The following RANBP2 variants were observed in gnomAD, a reference collection of about 807,000 sequenced individuals.
RANBP2 encodes E3 SUMO-protein ligase RanBP2.
RANBP2 carries 57 observed loss-of-function variants against 303.6 expected under a neutral mutation model. That is an observed-to-expected ratio of 0.19 (90% confidence interval 0.15 to 0.23). The LOEUF is 0.23. Ranked by LOEUF, RANBP2 falls within the 10% of genes least tolerant of loss-of-function variation. The pLI is 1.00. For synonymous variants in RANBP2, 1,167 were observed against 1,301.5 expected (o/e 0.90, Z 2.23); for missense variants, 3,138 against 3,780.8 (o/e 0.83, Z 4.46).
At chr2:109,050,015 G>C in the RANBP2 span, among the ~76,000 whole-genome samples, 1 of 152,152 alleles carries the variant, frequency 6.6e-6, no homozygotes, top group African/African-American at 2.4e-5. Flanking sequence ...TTACACGTTT[G>C]AGCAGTCCTA....
chr2:109,626,940 G>C, the RANBP2 span, among the ~76,000 whole-genome samples: 4 of 152,164 alleles, frequency 2.6e-5, no homozygotes, highest in Non-Finnish European at 5.9e-5. Context: ...AGTGGGCTAC[G>C]GCTGGGTGGT....
chr2:109,280,940 A>G, the RANBP2 span, among the ~76,000 whole-genome samples: 3 of 152,218 alleles, frequency 2.0e-5, no homozygotes, highest in African/African-American at 7.2e-5. Context: ...GGTACTAGGA[A>G]CTTGCATCAG....
At chr2:109,492,362 G>T in the RANBP2 span, among the ~76,000 whole-genome samples, 2 of 152,136 alleles carry the variant, frequency 1.3e-5, no homozygotes, top group African/African-American at 2.4e-5. Context: ...CTCCAGAGTG[G>T]ACAGGGCTCT....
At chr2:109,667,337 A>G in the RANBP2 span, 1 of 540,324 alleles carries the variant, frequency 1.9e-6, no homozygotes, top group Non-Finnish European at 3.4e-6. Flanking sequence ...GGAAAATAAC[A>G]CTCTTGGCAG....
chr2:109,366,586 T>C, the RANBP2 span, among the ~76,000 whole-genome samples: 1 of 152,354 alleles, frequency 6.6e-6, no homozygotes, highest in East Asian at 1.9e-4. Flanking sequence ...TGGTGGTTCA[T>C]GCCTGTAATC....
At chr2:108,995,130 G>A in the RANBP2 span, among the ~76,000 whole-genome samples, 854 of 152,012 alleles carry the variant, frequency 5.6e-3, 6 homozygotes, top group Admixed American at 0.011. Flanking sequence ...GTGCCCGGCC[G>A]CATTGGGTTT....
chr2:109,711,335 G>A, the RANBP2 span, among the ~76,000 whole-genome samples: 1 of 151,982 alleles, frequency 6.6e-6, no homozygotes, highest in African/African-American at 2.4e-5. Flanking sequence ...ACCATTGCCA[G>A]GGGTGGGATG....
the RANBP2 span, among the ~76,000 whole-genome samples, chr2:109,473,602 T>C: frequency 6.6e-6 from 1 of 152,172 alleles, no homozygotes; most frequent in Non-Finnish European, 1.5e-5. Flanking sequence ...GGTTTCTGAA[T>C]GGGACCTAAA....
At chr2:108,885,390 CTT>C in the RANBP2 span, 1 of 152,314 alleles carries the variant, frequency 6.6e-6, no homozygotes, top group East Asian at 1.9e-4. Context: ...TACCTAATGA[CTT>C]TAACTTCTTT....
the RANBP2 span, among the ~76,000 whole-genome samples, chr2:109,672,593 C>T: frequency 1.3e-5 from 2 of 152,218 alleles, no homozygotes; most frequent in South Asian, 2.1e-4. Context: ...TTATTACCTT[C>T]GGTATGAACT....
At chr2:109,734,532 G>A in the RANBP2 span, among the ~76,000 whole-genome samples, 1 of 151,858 alleles carries the variant, frequency 6.6e-6, no homozygotes, top group Non-Finnish European at 1.5e-5. Flanking sequence ...TGGATAGGAA[G>A]ACTTACCACT....
At chr2:109,777,782 CT>C in the RANBP2 span, among the ~76,000 whole-genome samples, 2 of 144,492 alleles carry the variant, frequency 1.4e-5, no homozygotes, top group Non-Finnish European at 3.0e-5. Flanking sequence ...AATGTAATTT[CT>C]TATATGACAC....
the RANBP2 span, among the ~76,000 whole-genome samples, chr2:109,171,037 G>A: frequency 6.6e-6 from 1 of 152,276 alleles, no homozygotes; most frequent in Admixed American, 6.5e-5. Context: ...CTGGGGGCTG[G>A]GGGAGTCTGT....
chr2:109,561,392 T>C, the RANBP2 span, among the ~76,000 whole-genome samples: 1 of 152,204 alleles, frequency 6.6e-6, no homozygotes, highest in African/African-American at 2.4e-5. Context: ...TTAGTGCTTA[T>C]ATCACAGCTA....
At chr2:108,974,419 T>A in the RANBP2 span, among the ~76,000 whole-genome samples, 1 of 149,532 alleles carries the variant, frequency 6.7e-6, no homozygotes, top group Non-Finnish European at 1.5e-5. Flanking sequence ...ATGAACATTA[T>A]CTTAATGATT....
chr2:109,427,300 A>ATT, the RANBP2 span, among the ~76,000 whole-genome samples: 1 of 152,104 alleles, frequency 6.6e-6, no homozygotes, highest in African/African-American at 2.4e-5. Context: ...AGGTACTTAC[A>ATT]TTTTTTTAGA....
At chr2:108,859,328 T>C in the RANBP2 span, among the ~76,000 whole-genome samples, 1 of 152,206 alleles carries the variant, frequency 6.6e-6, no homozygotes, top group Non-Finnish European at 1.5e-5. Context: ...TTTGCAGATA[T>C]TTTCTCCCAT....
chr2:109,454,101 A>G, the RANBP2 span, among the ~76,000 whole-genome samples: 2 of 152,244 alleles, frequency 1.3e-5, no homozygotes, highest in Non-Finnish European at 2.9e-5. Flanking sequence ...TGCAACTTAC[A>G]TTACATGGTG....
At chr2:109,614,586 G>C in the RANBP2 span, 3 of 1,414,788 alleles carry the variant, frequency 2.1e-6, no homozygotes, top group South Asian at 2.9e-5. Context: ...CCTGCACGCC[G>C]AGCTGGTGCA....
Sources: gnomAD v4.1 joint callset for allele counts (sites outside exome capture counted in the v4.1 genomes callset) on GRCh38, gnomAD v4.1.1 for gene constraint, MANE v1.5 for transcripts, NCBI Gene and HGNC (gene_info 2026-07-23, HGNC 2026-07-21) for gene names.